Variants in SHISA6 observed in about 807,000 individuals in gnomAD.
SHISA6 encodes protein shisa-6.
SHISA6 carries 22 observed loss-of-function variants against 47.9 expected under a neutral mutation model. That is an observed-to-expected ratio of 0.46 (90% CI 0.33 to 0.66). The LOEUF (loss-of-function observed/expected upper bound fraction) is 0.66. Ranked by LOEUF, SHISA6 falls within the 30% of genes least tolerant of loss-of-function variation. SHISA6 has a pLI of 0.02. For missense variants in SHISA6, 680 were observed against 764.6 expected, an observed-to-expected ratio of 0.89 and a Z score of 1.30; for synonymous variants, 388 against 337.8, an observed-to-expected ratio of 1.15 and a Z score of -1.63.
At chr17:11,543,618 T>A (rs935912343) in intron 3 of SHISA6, among the ~76,000 whole-genome samples, 11 of 151,956 alleles carry the variant, frequency 7.2e-5, no homozygotes, top group African/African-American at 2.7e-4. Flanking sequence ...ATTATAAAAT[T>A]GATAAGAAAA....
rs1351927455 is a variant in SHISA6 at position 11,563,935 on chromosome 17, T to TA, written c.*5632dup. 13 of 152,222 alleles carry TA rather than the reference T, an allele frequency of 8.5e-5. No homozygotes were observed. The highest frequency in any genetic ancestry group is 5.9e-4 in the Admixed American group (9 of 15,282). The allele number at this position is 152,222 out of a possible 1,614,324, so 9.4% of individuals were successfully genotyped here. A position where few individuals can be genotyped will look rare whatever the true frequency, so the allele number is the denominator to read the frequency against. ...TCTGTACAAATCTCATCGTTCTACTTACCTGTCAAAGCACATTCTACATGT... is the reference window on the plus strand; with the variant it reads ...TCTGTACAAATCTCATCGTTCTACTTAACCTGTCAAAGCACATTCTACATGT... On this transcript the variant is annotated 3_prime_UTR_variant, in exon 6 of 6. Transcript: ENST00000441885.
intron 2 of SHISA6, among the ~76,000 whole-genome samples, chr17:11,357,542 G>A (rs921280517): frequency 1.3e-5 from 2 of 152,072 alleles, no homozygotes; most frequent in East Asian, 3.9e-4. Flanking sequence ...CTACAAAGAT[G>A]GAATCACATT....
At chr17:11,299,982 A>G (rs1438865275) in intron 2 of SHISA6, among the ~76,000 whole-genome samples, 1 of 152,006 alleles carries the variant, frequency 6.6e-6, no homozygotes, top group Admixed American at 6.5e-5. Context: ...TATCTCTACT[A>G]AAAATACAAA....
chr17:11,429,861 A>G (rs1445158394), intron 3 of SHISA6, among the ~76,000 whole-genome samples: 1 of 98,208 alleles, frequency 1.0e-5, no homozygotes, highest in African/African-American at 3.5e-5. Context: ...ATAGGAATTG[A>G]AAAAAAAAAA....
intron 2 of SHISA6, among the ~76,000 whole-genome samples, chr17:11,347,888 C>T (rs1911753307): frequency 6.6e-6 from 1 of 152,198 alleles, no homozygotes; most frequent in Non-Finnish European, 1.5e-5. Context: ...ACGTAACCCA[C>T]TCTGCTTCTC....
chr17:11,288,034 C>A (rs1054971416), intron 2 of SHISA6, among the ~76,000 whole-genome samples: 1 of 152,198 alleles, frequency 6.6e-6, no homozygotes, highest in Non-Finnish European at 1.5e-5. Context: ...ACTCCCCAAT[C>A]ATACACACAT....
chr17:11,474,611 A>G (rs1030262629), intron 3 of SHISA6, among the ~76,000 whole-genome samples: 2 of 152,142 alleles, frequency 1.3e-5, no homozygotes, highest in South Asian at 2.1e-4. Context: ...TCAGTTAACT[A>G]TATTTACATG....
chr17:11,546,441 G>A (rs540741969), intron 3 of SHISA6, among the ~76,000 whole-genome samples: 1 of 152,248 alleles, frequency 6.6e-6, no homozygotes, highest in South Asian at 2.1e-4. Context: ...AACCCATGAA[G>A]TACCACATAA....
At chr17:11,343,906 C>T (rs148920868) in intron 2 of SHISA6, among the ~76,000 whole-genome samples, 1 of 152,304 alleles carries the variant, frequency 6.6e-6, no homozygotes, top group Non-Finnish European at 1.5e-5. Context: ...CCAGGCTCGC[C>T]TCGAACTCCT....
At chr17:11,387,128 C>A (rs1184812952) in intron 3 of SHISA6, among the ~76,000 whole-genome samples, 2 of 152,158 alleles carry the variant, frequency 1.3e-5, no homozygotes, top group Admixed American at 1.3e-4. Context: ...GAGATGGAGA[C>A]AAGGCCAGAA....
At chr17:11,498,256 C>T (rs551539301) in intron 3 of SHISA6, among the ~76,000 whole-genome samples, 1 of 152,298 alleles carries the variant, frequency 6.6e-6, no homozygotes, top group African/African-American at 2.4e-5. Flanking sequence ...CTTGCACCTT[C>T]CCTGAGCTAG....
At chr17:11,359,726 T>C (rs1312940824) in intron 2 of SHISA6, among the ~76,000 whole-genome samples, 1 of 152,232 alleles carries the variant, frequency 6.6e-6, no homozygotes, top group Non-Finnish European at 1.5e-5. Flanking sequence ...GGATTGGTTT[T>C]CTTTGTGTCT....
intron 2 of SHISA6, among the ~76,000 whole-genome samples, chr17:11,304,704 A>C (rs1328887260): frequency 6.6e-6 from 1 of 152,096 alleles, no homozygotes; most frequent in African/African-American, 2.4e-5. Context: ...GGAGGAGAAG[A>C]GAGAAGATCC....
chr17:11,518,998 C>T (rs757435472), intron 3 of SHISA6, among the ~76,000 whole-genome samples: 2 of 152,168 alleles, frequency 1.3e-5, no homozygotes, highest in Non-Finnish European at 2.9e-5. Context: ...ATAGCCTCTC[C>T]CTTCTCCTCT....
At chr17:11,464,674 G>A (rs1035916201) in intron 3 of SHISA6, among the ~76,000 whole-genome samples, 1 of 152,214 alleles carries the variant, frequency 6.6e-6, no homozygotes, top group Non-Finnish European at 1.5e-5. Flanking sequence ...CGGGCACGGT[G>A]GCTCACGCCT....
chr17:11,535,970 A>G (rs1464108015), intron 3 of SHISA6, among the ~76,000 whole-genome samples: 3 of 152,024 alleles, frequency 2.0e-5, no homozygotes, highest in Non-Finnish European at 4.4e-5. Context: ...ACATATATAG[A>G]TATATAGAGA....
In SHISA6 at chr17:11,453,538, A is replaced by G. The variant is rs565877101; in HGVS notation, c.895+74029A>G. ...CTTCATTTCCCCCACTATTTCACCAATCTGTGCCTTCTCCCATCTTACCCA... is the reference window on the plus strand; with the variant it reads ...CTTCATTTCCCCCACTATTTCACCAGTCTGTGCCTTCTCCCATCTTACCCA... On this transcript the variant is annotated intron_variant, in intron 3 of 5. Coordinates refer to ENST00000441885, the MANE Select transcript of SHISA6 (RefSeq NM_207386.4). Among the ~76,000 whole-genome samples the G allele has an allele frequency of 1.4e-4, 21 of 152,272 alleles. No individual in the cohort carries two copies. In the South Asian group the frequency reaches 3.3e-3, roughly 24 times the overall value.
At chr17:11,253,627 C>G (rs563298520) in intron 1 of SHISA6, among the ~76,000 whole-genome samples, 7 of 152,200 alleles carry the variant, frequency 4.6e-5, no homozygotes, top group Non-Finnish European at 1.0e-4. Flanking sequence ...AGGGATTAGC[C>G]TGCCCTTATT....
At chr17:11,376,366 G>A (rs370861279) in intron 2 of SHISA6, among the ~76,000 whole-genome samples, 1 of 150,490 alleles carries the variant, frequency 6.6e-6, no homozygotes, top group Non-Finnish European at 1.5e-5. Flanking sequence ...TGCCCGGCCT[G>A]GAGTACAGTG....
Sources: allele counts gnomAD v4.1 joint callset (sites outside exome capture counted in the v4.1 genomes callset), GRCh38; gene constraint gnomAD v4.1.1; transcripts MANE v1.5; gene names NCBI Gene and HGNC (gene_info 2026-07-23, HGNC 2026-07-21).